ZDHHC5: variants seen among roughly 807,000 people sequenced by gnomAD.
The protein encoded by ZDHHC5 is zDHHC palmitoyltransferase 5.
A neutral mutation model predicts 70.0 loss-of-function variants in ZDHHC5; 22 were observed. That is an observed-to-expected ratio of 0.31 (90% CI 0.22 to 0.45). The LOEUF (loss-of-function observed/expected upper bound fraction) is 0.45. ZDHHC5 is among the 20% of genes least tolerant of loss of function. The probability of loss-of-function intolerance (pLI) is 1.00; values close to 1 mark genes in which losing one functional copy is unlikely to be tolerated. For synonymous variants in ZDHHC5, 313 were observed against 347.8 expected (o/e 0.90, Z 1.11); for missense variants, 746 against 926.9 (o/e 0.80, Z 2.53).
intron 7 of ZDHHC5, among the ~76,000 whole-genome samples, chr11:57,693,251 G>T (rs555712480): frequency 5.3e-5 from 8 of 152,322 alleles, no homozygotes; most frequent in African/African-American, 1.9e-4. Context: ...AGGTTGCAGT[G>T]AGCTCAGAGC....
intron 1 of ZDHHC5, among the ~76,000 whole-genome samples, chr11:57,671,182 A>G (rs1340158255): frequency 2.0e-5 from 3 of 152,162 alleles, no homozygotes; most frequent in Admixed American, 6.6e-5. Context: ...GTAGCCTTCA[A>G]TTTTAAAGAG....
intron 3 of ZDHHC5, among the ~76,000 whole-genome samples, chr11:57,686,883 T>G (rs554716069): frequency 1.3e-5 from 2 of 151,298 alleles, no homozygotes; most frequent in Non-Finnish European, 2.9e-5. Context: ...AAGGCTGGAG[T>G]GCAGTGGCAT....
At chr11:57,675,911 A>G (rs1946066037) in intron 2 of ZDHHC5, among the ~76,000 whole-genome samples, 1 of 152,238 alleles carries the variant, frequency 6.6e-6, no homozygotes, top group South Asian at 2.1e-4. Context: ...TCAAATGGAG[A>G]GGCAAGAGGA....
chr11:57,690,518 TC>T, intron 6 of ZDHHC5, 81 bp downstream of exon 6: 1 of 1,406,808 alleles, frequency 7.1e-7, no homozygotes, highest in Non-Finnish European at 1.0e-6. Flanking sequence ...GTGTAGTGCT[TC>T]CACAAAGAGA....
rs72928067 is a variant in ZDHHC5 at position 57,680,083 on chromosome 11, C to T, written c.105-2339C>T. Among the ~76,000 whole-genome samples the T allele has an allele frequency of 7.9e-3, 1,201 of 152,198 alleles. 6 individuals are homozygous for T. Among genetic ancestry groups the T allele is most frequent in the Non-Finnish European group, 0.014 (929 of 68,010 alleles). On this transcript the variant is annotated intron_variant, in intron 2 of 11. Coordinates refer to ENST00000287169, the MANE Select transcript of ZDHHC5 (RefSeq NM_015457.3). ...GCAGGATCCCCAAGAAACTGAGTTG[C>T]TTTGCCTAAAAATGAAACTGGCTGG...
intron 3 of ZDHHC5, among the ~76,000 whole-genome samples, chr11:57,685,347 G>A (rs1014427242): frequency 3.3e-5 from 5 of 151,858 alleles, no homozygotes; most frequent in Admixed American, 2.0e-4. Flanking sequence ...GGTCATTTGG[G>A]GTTTTTAAGA....
At chr11:57,680,543 C>G (rs1244739407) in intron 2 of ZDHHC5, among the ~76,000 whole-genome samples, 1 of 152,192 alleles carries the variant, frequency 6.6e-6, no homozygotes, top group African/African-American at 2.4e-5. Context: ...AGGAATGAGA[C>G]TTTTAAATCA....
rs1479520642 is a variant in ZDHHC5, at chr11:57,692,651, A to G, written c.701A>G (p.Asn234Ser). ...CGGGGAGGTGTGAACCCCTTCACCA[A>G]TGGCTGCTGTAACAATGTCAGCCGT... ...KFRGGVNPFT[N>S]GCCNNVSRVL... The change falls in exon 7 of 12, where the codon AAT (asparagine) becomes AGT (serine). Residue 234 changes from asparagine to serine, a missense_variant. This residue lies in a region of ZDHHC5 where 114 missense variants were observed against 179.3 expected (regional missense o/e 0.64). Coordinates refer to ENST00000287169, the MANE Select transcript of ZDHHC5 (RefSeq NM_015457.3). 13 of 1,614,136 alleles carry G rather than the reference A, an allele frequency of 8.1e-6. No individual in the cohort carries two copies. The highest frequency in any genetic ancestry group is 1.7e-5 in the Admixed American group (1 of 60,016).
At chr11:57,686,389 C>T (rs886505924) in intron 3 of ZDHHC5, among the ~76,000 whole-genome samples, 2 of 151,582 alleles carry the variant, frequency 1.3e-5, no homozygotes, top group Non-Finnish European at 2.9e-5. Context: ...CATCTCGGCT[C>T]ACTGCAAACT....
chr11:57,691,102 T>C (rs1442468332), intron 6 of ZDHHC5, among the ~76,000 whole-genome samples: 1 of 152,136 alleles, frequency 6.6e-6, no homozygotes, highest in Non-Finnish European at 1.5e-5. Context: ...GACAGAGTCT[T>C]GATCTGTCGC....
At chr11:57,689,955 T>G in intron 4 of ZDHHC5, 76 bp from the exon 5 acceptor site, 2 of 1,503,080 alleles carry the variant, frequency 1.3e-6, no homozygotes, top group Non-Finnish European at 1.8e-6. Flanking sequence ...TAGCTGCCAT[T>G]TGTTTCTCTT....
In ZDHHC5 at chr11:57,699,120, G is replaced by A. The variant is rs1590873969; in HGVS notation, c.1684G>A (p.Glu562Lys). ...GTCACCCCCACTCCCGGGCCGTGAG[G>A]AAGAACCAGGCTTGGGGGACTCAGG... ...RQSPPLPGRE[E>K]EPGLGDSGIQ... The change falls in exon 11 of 12, where the codon GAA becomes AAA. Residue 562 changes from glutamate to lysine, a missense_variant. Glu to Lys is a moderately conservative substitution (Grantham distance 56). Transcript: ENST00000287169. 1 of 1,614,166 alleles carries A rather than the reference G, an allele frequency of 6.2e-7. No individual in the cohort carries two copies. The highest frequency in any genetic ancestry group is 8.5e-7 in the Non-Finnish European group (1 of 1,180,024).
chr11:57,685,700 C>T (rs1009061351), intron 3 of ZDHHC5, among the ~76,000 whole-genome samples: 3 of 152,002 alleles, frequency 2.0e-5, no homozygotes, highest in African/African-American at 7.2e-5. Flanking sequence ...ATAGCTCAGA[C>T]TAGAAAGGAA....
chr11:57,697,782 C>T (rs1946373199), intron 10 of ZDHHC5, among the ~76,000 whole-genome samples: 1 of 146,968 alleles, frequency 6.8e-6, no homozygotes, highest in African/African-American at 2.5e-5. Flanking sequence ...GTGAGCTGAG[C>T]TCCCACTGCT....
chr11:57,668,556 C>T (rs1483480127), intron 1 of ZDHHC5: 2 of 152,390 alleles, frequency 1.3e-5, no homozygotes, highest in Non-Finnish European at 2.9e-5. Flanking sequence ...CCGTGGATTC[C>T]TTCTTTTCGG....
chr11:57,701,076 T>C lies in ZDHHC5; in HGVS notation c.*1045T>C, dbSNP rs1946437315. The C allele has an allele frequency of 6.5e-6, 1 of 152,674 alleles. No homozygotes were observed. The highest frequency in any genetic ancestry group is 6.5e-5 in the Admixed American group (1 of 15,284). 9.5% of individuals were successfully genotyped at this position (152,674 alleles called of 1,614,324 possible). On this transcript the variant is annotated 3_prime_UTR_variant, in exon 12 of 12. Transcript: ENST00000287169. ...CTGGGTAGAGGGGATACCTGGGTTCTAACCTCTAAATAGGGGAGATCCCAG... is the reference window on the plus strand; with the variant it reads ...CTGGGTAGAGGGGATACCTGGGTTCCAACCTCTAAATAGGGGAGATCCCAG...
chr11:57,693,400 C>G (rs560800938), intron 7 of ZDHHC5, among the ~76,000 whole-genome samples: 2 of 152,178 alleles, frequency 1.3e-5, no homozygotes, highest in Non-Finnish European at 2.9e-5. Context: ...CACTGCTTAC[C>G]TCCTGCTATG....
intron 2 of ZDHHC5, among the ~76,000 whole-genome samples, chr11:57,677,358 C>G (rs1202285092): frequency 2.2e-5 from 3 of 139,450 alleles, no homozygotes; most frequent in Non-Finnish European, 4.6e-5. Flanking sequence ...GTGATCTCGG[C>G]TCACTGCAAC....
At chr11:57,688,402 CTG>C (rs1207137366) in intron 3 of ZDHHC5, 104 bp from the exon 4 acceptor site, 9 of 1,276,968 alleles carry the variant, frequency 7.0e-6, no homozygotes, top group African/African-American at 4.6e-5. Flanking sequence ...ACTCATTAGA[CTG>C]TGAATTCCTC....
Sources: gnomAD v4.1 joint callset for allele counts (sites outside exome capture counted in the v4.1 genomes callset) on GRCh38, gnomAD v4.1.1 for gene constraint, gnomAD v4.1.1 regional missense constraint, MANE v1.5 for transcripts, NCBI Gene and HGNC (gene_info 2026-07-23, HGNC 2026-07-21) for gene names.